Variants in ADCY9 observed in about 807,000 individuals in gnomAD.
The protein encoded by ADCY9 is adenylate cyclase 9.
Under a neutral mutation model 101.5 loss-of-function variants are expected in ADCY9, and 50 were observed. The ratio of observed to expected loss-of-function variants is 0.49; its 90% CI spans 0.39 to 0.62. The LOEUF (loss-of-function observed/expected upper bound fraction) is 0.62, where lower values mean the gene tolerates loss of function less well. ADCY9 is among the 20% of genes least tolerant of loss of function. The pLI is 0.00. For missense variants in ADCY9, 1,662 were observed against 1,800.4 expected (o/e 0.92, Z 1.39); for synonymous variants, 905 against 769.3 (o/e 1.18, Z -2.92).
Position 3,974,657 on chromosome 16 carries a change from T to A in ADCY9, c.2870+12A>T. On this transcript the variant is annotated intron_variant, in intron 10 of 10. Transcript: ENST00000294016. ...CGTTTATTCAGACAGAAGTGCAATA[T>A]TAAAAGCTTACCTGAAATTCTGTAC... 6.2e-7 allele frequency: 1 copy of A among 1,609,460 alleles called. No homozygotes were observed.
chr16:4,013,525 C>A lies in ADCY9; in HGVS notation c.1694-5967G>T, dbSNP rs191015366. Among the ~76,000 whole-genome samples the A allele has an allele frequency of 6.6e-5, 10 of 152,282 alleles. 1 individual carries two copies. Among genetic ancestry groups the A allele is most frequent in the African/African-American group, 2.4e-4 (10 of 41,566 alleles). ...TTTAAGACATGACTTTGGGAGCCAG[C>A]CACATAGCATAACAAATGCCTAGAA... is the stretch of plus-strand genomic sequence containing the variant. On this transcript the variant is annotated intron_variant, in intron 2 of 10. Transcript: ENST00000294016.
intron 2 of ADCY9, among the ~76,000 whole-genome samples, chr16:4,075,621 C>G (rs1329616416): frequency 2.0e-5 from 3 of 152,142 alleles, no homozygotes; most frequent in Non-Finnish European, 4.4e-5. Flanking sequence ...CACCATACAC[C>G]AGGGACACAA....
At chr16:4,067,530 A>C (rs1174979830) in intron 2 of ADCY9, among the ~76,000 whole-genome samples, 1 of 152,172 alleles carries the variant, frequency 6.6e-6, no homozygotes, top group East Asian at 1.9e-4. Context: ...TTACCAAATT[A>C]AGACAATTCT....
chr16:4,001,895 C>A (rs1367720853), intron 3 of ADCY9, among the ~76,000 whole-genome samples: 1 of 151,992 alleles, frequency 6.6e-6, no homozygotes, highest in East Asian at 1.9e-4. Flanking sequence ...ACTACAGGCA[C>A]CAGCCACCAC....
At chr16:3,985,468 T>C (rs2056183809) in intron 6 of ADCY9, among the ~76,000 whole-genome samples, 1 of 152,156 alleles carries the variant, frequency 6.6e-6, no homozygotes, top group Non-Finnish European at 1.5e-5. Flanking sequence ...ACACTGCCCA[T>C]GCCCACTCAC....
intron 10 of ADCY9, among the ~76,000 whole-genome samples, chr16:3,969,580 ATATATATATATATATAT>A (rs2056030542): frequency 2.9e-5 from 1 of 34,654 alleles, no homozygotes; most frequent in African/African-American, 1.7e-4. Context: ...ATATATATAT[ATATATATATATATATAT>A]ATATATATAT....
intron 3 of ADCY9, among the ~76,000 whole-genome samples, chr16:4,006,669 A>T (rs943904059): frequency 6.6e-6 from 1 of 152,226 alleles, no homozygotes; most frequent in African/African-American, 2.4e-5. Context: ...AGATGTTTAA[A>T]CTATAAAAAT....
chr16:3,956,785 G>A (rs1597125868), intron 5 of ADCY9, among the ~76,000 whole-genome samples: 2 of 151,772 alleles, frequency 1.3e-5, no homozygotes, highest in South Asian at 2.1e-4. Context: ...GTGAGCCACC[G>A]TGCCCGGCCA....
At chr16:4,011,854 C>T (rs552131458) in intron 2 of ADCY9, among the ~76,000 whole-genome samples, 2 of 152,298 alleles carry the variant, frequency 1.3e-5, no homozygotes, top group South Asian at 2.1e-4. Flanking sequence ...GCTGCTTCAT[C>T]GCTGCCTCTC....
At chr16:4,079,571 A>AAAAAT (rs993273911) in intron 2 of ADCY9, among the ~76,000 whole-genome samples, 8 of 152,240 alleles carry the variant, frequency 5.3e-5, no homozygotes, top group Admixed American at 1.3e-4. Context: ...TCTGTCTCAA[A>AAAAAT]AAAATAAAAT....
At position 3,992,550 on chromosome 16, in the gene ADCY9, C is replaced by G. The variant is rs180795625; in HGVS notation, c.1990-187G>C. Among the ~76,000 whole-genome samples the G allele has an allele frequency of 6.6e-6, 1 of 152,180 alleles. No individual in the cohort carries two copies. The highest frequency in any genetic ancestry group is 2.4e-5 in the African/African-American group (1 of 41,452). On this transcript the variant is annotated intron_variant, in intron 4 of 10. Coordinates refer to ENST00000294016, the MANE Select transcript of ADCY9 (RefSeq NM_001116.4). The surrounding 1 kb of genome is among the most constrained non-coding windows in gnomAD (Gnocchi z 4.2). Reference sequence around the variant, plus strand: ...TGCTCCAATCCCAGCCCTGACTGCCCGTCTGCTCCTTCCTGTTACCCAACA... The same window carrying G: ...TGCTCCAATCCCAGCCCTGACTGCCGGTCTGCTCCTTCCTGTTACCCAACA...
intron 2 of ADCY9, among the ~76,000 whole-genome samples, chr16:4,089,888 T>A (rs2056962687): frequency 1.3e-5 from 2 of 151,998 alleles, no homozygotes; most frequent in South Asian, 2.1e-4. Flanking sequence ...CCTGGTGGGA[T>A]CCTTTTGTTC....
In ADCY9 at chr16:4,114,998, C is replaced by CG; in HGVS notation, c.444dup (p.Ala149ArgfsTer118). The CG allele has an allele frequency of 6.2e-7, 1 of 1,614,058 alleles. No individual in the cohort carries two copies. The highest frequency in any genetic ancestry group is 1.1e-5 in the South Asian group (1 of 91,090). On this transcript the variant is annotated frameshift_variant, in exon 2 of 11. Coordinates refer to ENST00000294016, the MANE Select transcript of ADCY9 (RefSeq NM_001116.4). LOFTEE classifies it high-confidence loss of function. This position sits in a 1 kb window ranked among gnomAD's most constrained non-coding sequence, Gnocchi z 4.3. ...ACACACACCAGGAGGAAGCACAGCG[C>CG]GGGGGCGACCATGACGATCAGTCTG...
rs1268323678 is a variant in ADCY9 at position 3,983,451 on chromosome 16, C to G, written c.2311-11G>C. The stretch of plus-strand genomic sequence containing the variant: ...GGAGTTCTTTATGACCTGTGTGGAG[C>G]AGGAGTGGAGCAGAATGACTGGGAG... On this transcript the variant is annotated splice_polypyrimidine_tract_variant and intron_variant, in intron 6 of 10. Coordinates refer to ENST00000294016, the MANE Select transcript of ADCY9 (RefSeq NM_001116.4). 1 of 1,591,716 alleles carries G rather than the reference C, an allele frequency of 6.3e-7. No individual in the cohort carries two copies. Among genetic ancestry groups the G allele is most frequent in the Non-Finnish European group, 8.6e-7 (1 of 1,168,228 alleles).
intron 2 of ADCY9, among the ~76,000 whole-genome samples, chr16:4,031,301 T>A (rs186253705): frequency 2.0e-5 from 3 of 151,846 alleles, no homozygotes; most frequent in East Asian, 3.9e-4. Flanking sequence ...GTCTGCAATT[T>A]AGTCAGTTAA....
At chr16:4,074,649 C>T (rs919263156) in intron 2 of ADCY9, among the ~76,000 whole-genome samples, 16 of 144,510 alleles carry the variant, frequency 1.1e-4, no homozygotes, top group African/African-American at 3.9e-4. Context: ...CCCAGGAGGT[C>T]GAGGCTTCAG....
At chr16:3,989,349 A>T (rs1221944409) in intron 5 of ADCY9, among the ~76,000 whole-genome samples, 1 of 113,478 alleles carries the variant, frequency 8.8e-6, no homozygotes, top group African/African-American at 2.6e-5. Context: ...CCATGATTAT[A>T]GCACACATCA....
chr16:4,110,375 A>ATTT (rs2057106074), intron 2 of ADCY9, among the ~76,000 whole-genome samples: 2 of 88,598 alleles, frequency 2.3e-5, no homozygotes, highest in Non-Finnish European at 4.8e-5. Context: ...ACTTATACCT[A>ATTT]CTTTTTTTTT....
chr16:4,009,081 C>G (rs2056386208), intron 2 of ADCY9, among the ~76,000 whole-genome samples: 2 of 152,204 alleles, frequency 1.3e-5, no homozygotes, highest in South Asian at 4.1e-4. Context: ...CTTCACCTCC[C>G]TCTCTCCTTG....
Sources: gnomAD v4.1 joint callset for allele counts (sites outside exome capture counted in the v4.1 genomes callset) on GRCh38, gnomAD v4.1.1 for gene constraint, Gnocchi (gnomAD v3.1) non-coding constraint, MANE v1.5 for transcripts, NCBI Gene and HGNC (gene_info 2026-07-23, HGNC 2026-07-21) for gene names.